Variants in PARD3 observed in about 807,000 individuals in gnomAD.
PARD3 encodes par-3 family cell polarity regulator.
In PARD3, 75 loss-of-function variants were observed where a neutral mutation model predicts 155.4. That is an observed-to-expected ratio of 0.48 (90% CI 0.40 to 0.58). PARD3 has a LOEUF of 0.58. Ranked by LOEUF, PARD3 falls within the 20% of genes least tolerant of loss-of-function variation. PARD3 has a pLI of 0.00. For synonymous variants in PARD3, 576 were observed against 610.5 expected (o/e 0.94, Z 0.83); for missense variants, 1,642 against 1,721.7 (o/e 0.95, Z 0.82).
chr10:34,566,830 T>C (rs2085982740), intron 2 of PARD3, among the ~76,000 whole-genome samples: 2 of 152,200 alleles, frequency 1.3e-5, no homozygotes, highest in South Asian at 4.1e-4. Flanking sequence ...GTGACTGCTG[T>C]TGAAGCCAAT....
chr10:34,542,235 G>GTGTACT (rs1554889674), intron 2 of PARD3, among the ~76,000 whole-genome samples: 6 of 166 alleles, frequency 0.036, no homozygotes, highest in African/African-American at 0.044. Flanking sequence ...GTGTGTGTGT[G>GTGTACT]TGTGCACACA....
chr10:34,774,078 A>G (rs1464407791), intron 1 of PARD3, among the ~76,000 whole-genome samples: 1 of 152,250 alleles, frequency 6.6e-6, no homozygotes, highest in East Asian at 1.9e-4. Flanking sequence ...CTCAGTGATA[A>G]AAATGGACTA....
chr10:34,393,110 T>C (rs1445140110), intron 7 of PARD3, among the ~76,000 whole-genome samples: 1 of 144,792 alleles, frequency 6.9e-6, no homozygotes, highest in East Asian at 2.0e-4. Context: ...ATCTGAGATA[T>C]CAAAGGCACC....
chr10:34,167,522 C>A (rs1778879), intron 22 of PARD3, among the ~76,000 whole-genome samples: 35,828 of 150,686 alleles, frequency 0.24, 4,420 homozygotes, highest in Middle Eastern at 0.36. Context: ...AAAAACACCC[C>A]AAAGCCCCCA....
intron 1 of PARD3, among the ~76,000 whole-genome samples, chr10:34,800,056 G>A (rs773527429): frequency 6.6e-6 from 1 of 152,062 alleles, no homozygotes; most frequent in East Asian, 1.9e-4. Flanking sequence ...CTTGAGCCCA[G>A]GAGGTTGAGG....
chr10:34,494,594 CCTG>C (rs147886371), intron 3 of PARD3, among the ~76,000 whole-genome samples: 1,540 of 152,138 alleles, frequency 0.01, 26 homozygotes, highest in African/African-American at 0.034. Flanking sequence ...ATAACATAGC[CCTG>C]TTAGGAAAAT....
intron 2 of PARD3, among the ~76,000 whole-genome samples, chr10:34,598,122 A>G (rs757424701): frequency 6.6e-6 from 1 of 152,168 alleles, no homozygotes; most frequent in Non-Finnish European, 1.5e-5. Context: ...CTGAGCTGAG[A>G]ACTGCAGAAC....
chr10:34,745,873 C>T (rs931002931), intron 1 of PARD3, among the ~76,000 whole-genome samples: 4 of 152,012 alleles, frequency 2.6e-5, no homozygotes, highest in East Asian at 3.9e-4. Context: ...GGTCAAGGCA[C>T]GCAGATCACG....
chr10:34,558,284 C>T (rs2134029965), intron 2 of PARD3, among the ~76,000 whole-genome samples: 1 of 152,290 alleles, frequency 6.6e-6, no homozygotes, highest in East Asian at 1.9e-4. Flanking sequence ...TGAGTGGATG[C>T]TGTTACAAAG....
Position 34,753,121 on chromosome 10 carries a change from A to G in PARD3, c.121-56702T>C, listed in dbSNP as rs180832109. Reference sequence around the variant, plus strand: ...GGGCCTCAGGATTGGTCTGAAAAGCACCTCGATTCTCCAGCTCCAGCAGGG... The same window carrying G: ...GGGCCTCAGGATTGGTCTGAAAAGCGCCTCGATTCTCCAGCTCCAGCAGGG... On this transcript the variant is annotated intron_variant, in intron 1 of 24. Coordinates refer to ENST00000374788, the MANE Select transcript of PARD3 (RefSeq NM_001184785.2). Among the ~76,000 whole-genome samples the G allele has an allele frequency of 8.2e-4, 125 of 152,282 alleles. 1 individual carries two copies. Among genetic ancestry groups the G allele is most frequent in the African/African-American group, 2.9e-3 (119 of 41,570 alleles).
intron 2 of PARD3, among the ~76,000 whole-genome samples, chr10:34,681,755 TATATATA>T (rs2093836822): frequency 5.0e-5 from 1 of 19,826 alleles, no homozygotes; most frequent in African/African-American, 2.7e-4. Flanking sequence ...TATATATATA[TATATATA>T]TATATATTTT....
intron 3 of PARD3, among the ~76,000 whole-genome samples, chr10:34,471,210 G>A (rs111567285): frequency 1.3e-5 from 2 of 152,228 alleles, no homozygotes; most frequent in African/African-American, 2.4e-5. Context: ...ACAATTACAC[G>A]AAAGGTAGTA....
chr10:34,117,521 G>C (rs1340219383), intron 24 of PARD3, among the ~76,000 whole-genome samples: 2 of 152,206 alleles, frequency 1.3e-5, no homozygotes, highest in South Asian at 4.1e-4. Context: ...TTCTTCAAGT[G>C]CTTAGGCATT....
chr10:34,526,822 T>C (rs1369720154), intron 2 of PARD3, among the ~76,000 whole-genome samples: 1 of 152,176 alleles, frequency 6.6e-6, no homozygotes, highest in East Asian at 1.9e-4. Context: ...ACAGTTCATA[T>C]CCAGTGTCGT....
At chr10:34,276,130 A>G (rs905417981) in intron 21 of PARD3, among the ~76,000 whole-genome samples, 1 of 152,178 alleles carries the variant, frequency 6.6e-6, no homozygotes, top group African/African-American at 2.4e-5. Flanking sequence ...CCTATCCTTG[A>G]AACTTGAAAA....
chr10:34,500,924 T>C lies in PARD3; in HGVS notation c.403+16055A>G, dbSNP rs773993. On this transcript the variant is annotated intron_variant, in intron 3 of 24. Coordinates refer to ENST00000374788, the MANE Select transcript of PARD3 (RefSeq NM_001184785.2). ...CACAATATTCACAACCTGTACATAA[T>C]TTTTCTCATCAAAATTTCCCATCTA... Among the ~76,000 whole-genome samples the C allele has an allele frequency of 6.7e-3, 1,016 of 152,246 alleles. 10 individuals are homozygous for C. Among genetic ancestry groups the C allele is most frequent in the African/African-American group, 0.023 (956 of 41,532 alleles).
At chr10:34,347,156 T>TA (rs1436255793) in intron 15 of PARD3, among the ~76,000 whole-genome samples, 6 of 152,250 alleles carry the variant, frequency 3.9e-5, no homozygotes, top group Non-Finnish European at 7.3e-5. Flanking sequence ...CCTTGCAAAA[T>TA]ATACCAGTAA....
chr10:34,689,378 CTACTAA>C (rs1360454942), intron 2 of PARD3, among the ~76,000 whole-genome samples: 11 of 152,316 alleles, frequency 7.2e-5, no homozygotes, highest in African/African-American at 2.4e-4. Context: ...TGAGTCTAAG[CTACTAA>C]TCATATTTCT....
chr10:34,399,084 G>C (rs1843634230), intron 7 of PARD3, among the ~76,000 whole-genome samples: 1 of 152,120 alleles, frequency 6.6e-6, no homozygotes, highest in African/African-American at 2.4e-5. Flanking sequence ...GCTTGAGTGT[G>C]ATGAACAATA....
Sources: gnomAD v4.1 joint callset for allele counts (sites outside exome capture counted in the v4.1 genomes callset) on GRCh38, gnomAD v4.1.1 for gene constraint, MANE v1.5 for transcripts, NCBI Gene and HGNC (gene_info 2026-07-23, HGNC 2026-07-21) for gene names.